IQCH: variants seen among roughly 807,000 people sequenced by gnomAD.
IQCH encodes IQ domain-containing protein H.
IQCH carries 98 observed loss-of-function variants against 117.0 expected under a neutral mutation model. That is an observed-to-expected ratio of 0.84 (90% confidence interval 0.71 to 0.99). IQCH has a LOEUF of 0.99. IQCH is among the 50% of genes least tolerant of loss of function. The probability of loss-of-function intolerance (pLI) is 0.00; values close to 1 mark genes in which losing one functional copy is unlikely to be tolerated. For missense variants in IQCH, 1,102 were observed against 1,243.8 expected, an observed-to-expected ratio of 0.89 and a Z score of 1.72; for synonymous variants, 412 against 448.2, an observed-to-expected ratio of 0.92 and a Z score of 1.02.
At chr15:67,482,610 A>C (rs372347766) in intron 18 of IQCH, among the ~76,000 whole-genome samples, 29 of 152,364 alleles carry the variant, frequency 1.9e-4, no homozygotes, top group Middle Eastern at 6.8e-3. Context: ...TTAAAATGTT[A>C]AATCACTTTG....
At chr15:67,320,975 T>C (rs759121783) in intron 4 of IQCH, among the ~76,000 whole-genome samples, 1 of 152,196 alleles carries the variant, frequency 6.6e-6, no homozygotes, top group African/African-American at 2.4e-5. Context: ...TAGCAATGTT[T>C]CCCAAACTTC....
At position 67,438,360 on chromosome 15, in the gene IQCH, G is replaced by A. The variant is rs112017206; in HGVS notation, c.2505+16783G>A. On this transcript the variant is annotated intron_variant, in intron 16 of 20. Transcript: ENST00000335894. ...AGACAAACAAATGCTGAGAGAATTC[G>A]CCATTACCACGCCACCACTACAAGA... Among the ~76,000 whole-genome samples, 1,443 of 152,242 alleles carry A rather than the reference G, an allele frequency of 9.5e-3. 35 individuals carry two copies. Among genetic ancestry groups the A allele is most frequent in the African/African-American group, 0.031 (1,306 of 41,542 alleles).
At position 67,387,029 on chromosome 15, in the gene IQCH, C is replaced by T. The variant is rs1971130032; in HGVS notation, c.1457-1802C>T. Among the ~76,000 whole-genome samples, 1 of 151,478 alleles carries T rather than the reference C, an allele frequency of 6.6e-6. No homozygotes were observed. Among genetic ancestry groups the T allele is most frequent in the Non-Finnish European group, 1.5e-5 (1 of 67,886 alleles). ...TAAGCTATTTTTGTTGTTTTTCTGC[C>T]CTATTCTTTCATACTTAAAAAAAAC... On this transcript the variant is annotated intron_variant, in intron 11 of 20. Transcript: ENST00000335894. This position sits in a 1 kb window ranked among gnomAD's most constrained non-coding sequence, Gnocchi z 4.8.
At chr15:67,451,706 T>G (rs937535432) in intron 16 of IQCH, among the ~76,000 whole-genome samples, 4 of 152,170 alleles carry the variant, frequency 2.6e-5, no homozygotes, top group Non-Finnish European at 5.9e-5. Context: ...TTCTGTTGAT[T>G]TGGGGTGGAG....
rs556344682 is a variant in IQCH, at chr15:67,474,996, C to G, written c.2677-700C>G. The stretch of plus-strand genomic sequence containing the variant: ...GAGAGAGATTTCACAAAATGCTTGC[C>G]CATTACTCCTCGGAACTGTTAAGAT... On this transcript the variant is annotated intron_variant, in intron 17 of 20. Transcript: ENST00000335894. The surrounding 1 kb of genome is among the most constrained non-coding windows in gnomAD (Gnocchi z 4.1). Among the ~76,000 whole-genome samples, 4 of 152,186 alleles carry G rather than the reference C, an allele frequency of 2.6e-5. No individual in the cohort carries two copies. In the East Asian group the frequency reaches 7.7e-4, roughly 29 times the overall value.
At chr15:67,311,702 A>T (rs533754099) in intron 4 of IQCH, among the ~76,000 whole-genome samples, 1 of 151,904 alleles carries the variant, frequency 6.6e-6, no homozygotes, top group African/African-American at 2.4e-5. Flanking sequence ...ATTATACTAA[A>T]TTCTTATAAA....
At chr15:67,350,883 T>C (rs1969629835) in intron 6 of IQCH, among the ~76,000 whole-genome samples, 1 of 152,218 alleles carries the variant, frequency 6.6e-6, no homozygotes, top group Admixed American at 6.5e-5. Flanking sequence ...GAGGGACACC[T>C]GCTTGACATG....
Position 67,473,700 on chromosome 15 carries a change from C to G in IQCH, c.2677-1996C>G, listed in dbSNP as rs7162320. Among the ~76,000 whole-genome samples the G allele has an allele frequency of 0.43, 64,724 of 152,002 alleles. 14,758 individuals carry two copies. Among genetic ancestry groups the G allele is most frequent in the Non-Finnish European group, 0.52 (35,305 of 67,954 alleles). ...AACTGGAGATTCAGAAACCAAACAG[C>G]GCCTGCCCTCAGAAAACTCCCAGTC... is the stretch of plus-strand genomic sequence containing the variant. On this transcript the variant is annotated intron_variant, in intron 17 of 20. Coordinates refer to ENST00000335894, the MANE Select transcript of IQCH (RefSeq NM_001031715.3). This position sits in a 1 kb window ranked among gnomAD's most constrained non-coding sequence, Gnocchi z 4.9.
intron 12 of IQCH, among the ~76,000 whole-genome samples, chr15:67,392,785 CAA>C (rs33923178): frequency 3.5e-5 from 4 of 113,424 alleles, no homozygotes; most frequent in African/African-American, 3.5e-5. Context: ...CCTGCTTCCA[CAA>C]AAAAAAAAAA....
intron 14 of IQCH, among the ~76,000 whole-genome samples, chr15:67,415,140 C>T (rs559115697): frequency 4.6e-5 from 7 of 152,254 alleles, no homozygotes; most frequent in African/African-American, 1.7e-4. Flanking sequence ...GTCCGGGTTG[C>T]TGGAGCTGTG....
chr15:67,283,003 G>C (rs1356983649), intron 4 of IQCH, among the ~76,000 whole-genome samples: 1 of 152,024 alleles, frequency 6.6e-6, no homozygotes, highest in Non-Finnish European at 1.5e-5. Context: ...GAAAAAAATA[G>C]AATCAGTGAT....
At chr15:67,455,630 A>C (rs1028843061) in intron 16 of IQCH, among the ~76,000 whole-genome samples, 2 of 152,284 alleles carry the variant, frequency 1.3e-5, no homozygotes, top group African/African-American at 4.8e-5. Context: ...CACGATGGTC[A>C]TCGAAGGCTG....
intron 13 of IQCH, 37 bp from the exon 14 acceptor site, chr15:67,400,077 A>G: frequency 3.2e-6 from 5 of 1,557,666 alleles, no homozygotes; most frequent in Non-Finnish European, 4.4e-6. Context: ...CCAGGAAATG[A>G]ACTGTATTAA....
chr15:67,327,534 G>A (rs1340109116), intron 4 of IQCH, among the ~76,000 whole-genome samples: 2 of 151,956 alleles, frequency 1.3e-5, no homozygotes, highest in Non-Finnish European at 2.9e-5. Flanking sequence ...TCTTTTTACT[G>A]TGGACTACAT....
rs2083201272 is a variant in IQCH at position 67,476,355 on chromosome 15, T to C, written c.2799+537T>C. 6.6e-6 allele frequency among the ~76,000 whole-genome samples: 1 copy of C among 152,168 alleles called. No individual in the cohort carries two copies. The highest frequency in any genetic ancestry group is 1.5e-5 in the Non-Finnish European group (1 of 68,020). On this transcript the variant is annotated intron_variant, in intron 18 of 20. Coordinates refer to ENST00000335894, the MANE Select transcript of IQCH (RefSeq NM_001031715.3). This position sits in a 1 kb window ranked among gnomAD's most constrained non-coding sequence, Gnocchi z 4.1. ...TGCCTCCTTGCGGTGTCCTCACATATGGAAGGAGAGAGAGAGAGATCTCTG... is the reference window on the plus strand; with the variant it reads ...TGCCTCCTTGCGGTGTCCTCACATACGGAAGGAGAGAGAGAGAGATCTCTG...
At chr15:67,394,620 C>T (rs1163519789) in intron 12 of IQCH, among the ~76,000 whole-genome samples, 3 of 152,130 alleles carry the variant, frequency 2.0e-5, no homozygotes, top group African/African-American at 7.2e-5. Flanking sequence ...GAGACAGTCA[C>T]ATGTATTGCT....
chr15:67,277,564 C>T (rs1300518351), intron 3 of IQCH, among the ~76,000 whole-genome samples: 7 of 146,252 alleles, frequency 4.8e-5, no homozygotes, highest in Admixed American at 3.4e-4. Flanking sequence ...GACGGAGTCT[C>T]GCTCTGTCAC....
chr15:67,490,038 C>T lies in IQCH; in HGVS notation c.2835C>T (p.His945=). Residue 945 remains histidine (H), a synonymous_variant, in exon 19 of 21, where the codon CAC becomes CAT. Transcript: ENST00000335894. The surrounding 1 kb of genome is among the most constrained non-coding windows in gnomAD (Gnocchi z 4.9). ...RQGTVFILYE[H]LKRHKLGMLT... ...GAACTGTTTTTATATTATATGAGCA[C>T]CTGAAGAGACACAAGTTGGGAATGT... 1 of 1,612,204 alleles carries T rather than the reference C, an allele frequency of 6.2e-7. No individual in the cohort carries two copies. The highest frequency in any genetic ancestry group is 8.5e-7 in the Non-Finnish European group (1 of 1,178,442).
intron 1 of IQCH, among the ~76,000 whole-genome samples, chr15:67,259,706 C>G (rs1965380469): frequency 6.6e-6 from 1 of 152,240 alleles, no homozygotes; most frequent in Non-Finnish European, 1.5e-5. Context: ...AAAGGAGGAA[C>G]CAAAAAATGC....
Sources: allele counts gnomAD v4.1 joint callset (sites outside exome capture counted in the v4.1 genomes callset), GRCh38; gene constraint gnomAD v4.1.1; non-coding constraint Gnocchi (gnomAD v3.1); transcripts MANE v1.5; gene names NCBI Gene and HGNC (gene_info 2026-07-23, HGNC 2026-07-21).